The following MSRB3 variants were observed in gnomAD, a reference collection of about 807,000 sequenced individuals.
The protein encoded by MSRB3 is methionine-R-sulfoxide reductase B3.
A neutral mutation model predicts 21.0 loss-of-function variants in MSRB3; 13 were observed. That is an observed-to-expected ratio of 0.62 (90% CI 0.40 to 0.98). The LOEUF (loss-of-function observed/expected upper bound fraction) is 0.98, where lower values mean the gene tolerates loss of function less well. Ranked by LOEUF, MSRB3 falls within the 50% of genes least tolerant of loss-of-function variation. MSRB3 has a pLI of 0.00. For synonymous variants in MSRB3, 87 were observed against 88.6 expected (o/e 0.98, Z 0.10); for missense variants, 199 against 230.3 (o/e 0.86, Z 0.88).
chr12:65,304,671 G>A (rs10506527), intron 1 of MSRB3, among the ~76,000 whole-genome samples: 6,408 of 152,252 alleles, frequency 0.042, 434 homozygotes, highest in African/African-American at 0.15. Flanking sequence ...GGATTTTCTG[G>A]TGATCCTTGC....
At chr12:65,348,768 G>T (rs894081360) in intron 4 of MSRB3, among the ~76,000 whole-genome samples, 4 of 152,160 alleles carry the variant, frequency 2.6e-5, no homozygotes, top group Non-Finnish European at 5.9e-5. Flanking sequence ...ATGTGTCCCA[G>T]AGATTCTGGT....
chr12:65,402,484 T>C (rs1490675059), intron 5 of MSRB3, among the ~76,000 whole-genome samples: 8 of 152,334 alleles, frequency 5.3e-5, no homozygotes, highest in South Asian at 2.1e-4. Context: ...TGTTCTTCTC[T>C]AAACTGGTTA....
chr12:65,352,754 C>T (rs942437917), intron 4 of MSRB3, among the ~76,000 whole-genome samples: 1 of 150,828 alleles, frequency 6.6e-6, no homozygotes, highest in Non-Finnish European at 1.5e-5. Flanking sequence ...ATCCAACTTA[C>T]AAGGGATGTG....
chr12:65,399,528 T>C (rs1880002526), intron 5 of MSRB3, among the ~76,000 whole-genome samples: 1 of 152,234 alleles, frequency 6.6e-6, no homozygotes, highest in Non-Finnish European at 1.5e-5. Context: ...TTTCTAAATA[T>C]ACAATCATGT....
At chr12:65,372,322 C>T (rs1005116056) in intron 5 of MSRB3, among the ~76,000 whole-genome samples, 2 of 152,182 alleles carry the variant, frequency 1.3e-5, no homozygotes, top group African/African-American at 4.8e-5. Context: ...ATTTTCTATT[C>T]TCAAAATTAG....
intron 5 of MSRB3, among the ~76,000 whole-genome samples, chr12:65,396,696 AAAAAAAAAAAAGAAAG>A (rs1879807335): frequency 4.3e-5 from 1 of 23,508 alleles, no homozygotes; most frequent in Non-Finnish European, 9.4e-5. Context: ...CATCTCAAAA[AAAAAAAAAAAAGAAAG>A]AAAGAAAGAA....
At chr12:65,331,006 A>C (rs947465263) in intron 4 of MSRB3, among the ~76,000 whole-genome samples, 13 of 152,224 alleles carry the variant, frequency 8.5e-5, no homozygotes, top group Non-Finnish European at 1.5e-4. Context: ...TTAATTTGAC[A>C]GTGAGGACTG....
chr12:65,419,567 G>C, intron 5 of MSRB3: 1 of 736,240 alleles, frequency 1.4e-6, no homozygotes, highest in Non-Finnish European at 2.5e-6. Context: ...TCGATCTGCA[G>C]AACAATGTGG....
chr12:65,393,279 G>A (rs1879581773), intron 5 of MSRB3, among the ~76,000 whole-genome samples: 5 of 151,964 alleles, frequency 3.3e-5, no homozygotes, highest in African/African-American at 1.2e-4. Flanking sequence ...TATCCATTAT[G>A]AGAATATTTA....
At chr12:65,298,226 A>T (rs1459736053) in intron 1 of MSRB3, among the ~76,000 whole-genome samples, 1 of 151,790 alleles carries the variant, frequency 6.6e-6, no homozygotes. Context: ...GTGGTCTCAA[A>T]CTCCTGAGCT....
intron 5 of MSRB3, among the ~76,000 whole-genome samples, chr12:65,441,980 A>G (rs556944147): frequency 6.6e-6 from 1 of 152,192 alleles, no homozygotes; most frequent in Non-Finnish European, 1.5e-5. Flanking sequence ...TTTTCTGAGC[A>G]ATCTGTTCTG....
intron 4 of MSRB3, among the ~76,000 whole-genome samples, chr12:65,353,517 A>G (rs140043339): frequency 0.091 from 13,906 of 152,020 alleles, 2,171 homozygotes; most frequent in African/African-American, 0.32. Context: ...GTTGGTTTAA[A>G]GTCTGTTTTA....
chr12:65,369,135 T>G, intron 5 of MSRB3, 109 bp downstream of exon 5: 1 of 821,366 alleles, frequency 1.2e-6, no homozygotes, highest in Non-Finnish European at 2.0e-6. Flanking sequence ...ACTAGGCGGT[T>G]TCTTTCCAAA....
chr12:65,354,658 A>G (rs752522986), intron 4 of MSRB3, among the ~76,000 whole-genome samples: 9 of 151,690 alleles, frequency 5.9e-5, no homozygotes, highest in Non-Finnish European at 1.0e-4. Flanking sequence ...CTTTAAGTTT[A>G]CTACAAAGGC....
chr12:65,361,969 C>T (rs780616844), intron 4 of MSRB3, among the ~76,000 whole-genome samples: 9 of 152,032 alleles, frequency 5.9e-5, no homozygotes, highest in South Asian at 2.1e-4. Context: ...TCATTATTAT[C>T]GAAATGTAAC....
At chr12:65,375,097 G>C (rs1268423846) in intron 5 of MSRB3, among the ~76,000 whole-genome samples, 1 of 150,846 alleles carries the variant, frequency 6.6e-6, no homozygotes, top group Non-Finnish European at 1.5e-5. Flanking sequence ...AGCTCGCCTC[G>C]GCCTCCCGAA....
chr12:65,299,217 G>A (rs1322486583), intron 1 of MSRB3, among the ~76,000 whole-genome samples: 2 of 152,174 alleles, frequency 1.3e-5, no homozygotes, highest in South Asian at 2.1e-4. Flanking sequence ...CAGAATATAA[G>A]TATTTATCTG....
chr12:65,305,521 G>A (rs1236265601), intron 1 of MSRB3, among the ~76,000 whole-genome samples: 2 of 152,166 alleles, frequency 1.3e-5, no homozygotes, highest in East Asian at 1.9e-4. Context: ...AATGTCCTGA[G>A]TTCACATGTA....
chr12:65,391,738 A>C (rs1449229710), intron 5 of MSRB3, among the ~76,000 whole-genome samples: 2 of 152,202 alleles, frequency 1.3e-5, no homozygotes, highest in African/African-American at 4.8e-5. Flanking sequence ...TAGTTCACTA[A>C]ATATTTTTAA....
Sources: allele counts gnomAD v4.1 joint callset (sites outside exome capture counted in the v4.1 genomes callset), GRCh38; gene constraint gnomAD v4.1.1; transcripts MANE v1.5; gene names NCBI Gene and HGNC (gene_info 2026-07-23, HGNC 2026-07-21).